The following LOC400499 variants were observed in gnomAD, a reference collection of about 807,000 sequenced individuals.
At chr16:11,421,624 G>A in the LOC400499 span, among the ~76,000 whole-genome samples, 12 of 152,110 alleles carry the variant, frequency 7.9e-5, no homozygotes, top group African/African-American at 2.2e-4. Flanking sequence ...GGCTGATCTC[G>A]AACTCCTGAC....
At chr16:11,489,873 A>T in the LOC400499 span, among the ~76,000 whole-genome samples, 1 of 152,242 alleles carries the variant, frequency 6.6e-6, no homozygotes, top group Admixed American at 6.5e-5. Context: ...ATCTTCTGGG[A>T]AATTATCCTA....
the LOC400499 span, among the ~76,000 whole-genome samples, chr16:11,435,119 A>G: frequency 6.6e-6 from 1 of 151,842 alleles, no homozygotes. Context: ...AGCTGGGACT[A>G]CAGGTGCATG....
the LOC400499 span, among the ~76,000 whole-genome samples, chr16:11,379,079 C>A: frequency 2.6e-5 from 4 of 152,176 alleles, no homozygotes; most frequent in Admixed American, 1.3e-4. Context: ...GCCTGGACAA[C>A]ATGGTGAAAC....
the LOC400499 span, among the ~76,000 whole-genome samples, chr16:11,484,393 G>C: frequency 6.6e-6 from 1 of 152,186 alleles, no homozygotes; most frequent in Non-Finnish European, 1.5e-5. Flanking sequence ...GATCTCATGA[G>C]TGTGTACATG....
the LOC400499 span, among the ~76,000 whole-genome samples, chr16:11,461,900 G>A: frequency 6.6e-6 from 1 of 152,220 alleles, no homozygotes; most frequent in African/African-American, 2.4e-5. Flanking sequence ...TCGTGGGTCA[G>A]AATAAAAACA....
At chr16:11,389,244 C>A in the LOC400499 span, among the ~76,000 whole-genome samples, 3 of 152,208 alleles carry the variant, frequency 2.0e-5, no homozygotes, top group Non-Finnish European at 4.4e-5. Context: ...AGGATCCACC[C>A]CCCCATCTCA....
chr16:11,499,677 G>A, the LOC400499 span, among the ~76,000 whole-genome samples: 1 of 152,138 alleles, frequency 6.6e-6, no homozygotes, highest in East Asian at 1.9e-4. Context: ...TCCTGGTAGG[G>A]TCCATTCTAC....
the LOC400499 span, among the ~76,000 whole-genome samples, chr16:11,374,177 C>T: frequency 6.6e-6 from 1 of 152,152 alleles, no homozygotes. Context: ...TCCTGTGGGT[C>T]TGTGTCTATT....
chr16:11,417,886 C>A, the LOC400499 span: 45 of 398,370 alleles, frequency 1.1e-4, no homozygotes, highest in Non-Finnish European at 1.4e-4. Flanking sequence ...GCAGAGAGAG[C>A]CAGCCTGGGT....
At chr16:11,510,188 C>T in the LOC400499 span, among the ~76,000 whole-genome samples, 3 of 150,492 alleles carry the variant, frequency 2.0e-5, no homozygotes, top group Non-Finnish European at 4.4e-5. Flanking sequence ...CCACAGTCCA[C>T]ACCTCCCTCA....
At chr16:11,416,967 C>G in the LOC400499 span, among the ~76,000 whole-genome samples, 1 of 152,100 alleles carries the variant, frequency 6.6e-6, no homozygotes, top group African/African-American at 2.4e-5. Flanking sequence ...ATCGGGACGG[C>G]TGTACTGTAT....
At chr16:11,385,022 G>A in the LOC400499 span, 31 of 1,232,138 alleles carry the variant, frequency 2.5e-5, no homozygotes, top group South Asian at 2.5e-4. Flanking sequence ...CTTGAGGTCC[G>A]GACAACTGTC....
chr16:11,483,666 T>C, the LOC400499 span, among the ~76,000 whole-genome samples: 1 of 148,964 alleles, frequency 6.7e-6, no homozygotes, highest in South Asian at 2.1e-4. Flanking sequence ...AGGAGGTTGA[T>C]ACCAGCCTGG....
At chr16:11,487,282 G>C in the LOC400499 span, 1 of 398,876 alleles carries the variant, frequency 2.5e-6, no homozygotes, top group Non-Finnish European at 4.4e-6. Context: ...TTGAAGGCAC[G>C]GCCCATGGTG....
the LOC400499 span, chr16:11,469,187 G>A: frequency 2.5e-6 from 1 of 399,590 alleles, no homozygotes. Context: ...TGATGTAGTA[G>A]ACGTCCCTGT....
chr16:11,490,608 G>A, the LOC400499 span, among the ~76,000 whole-genome samples: 7 of 152,122 alleles, frequency 4.6e-5, no homozygotes, highest in African/African-American at 9.7e-5. Flanking sequence ...GGCTGAGGAA[G>A]GAGAATGGCA....
the LOC400499 span, among the ~76,000 whole-genome samples, chr16:11,436,177 T>A: frequency 6.6e-6 from 1 of 152,132 alleles, no homozygotes; most frequent in African/African-American, 2.4e-5. Context: ...GGGTCACATA[T>A]GCCACCTGAG....
chr16:11,384,108 C>G, the LOC400499 span: 233 of 1,225,774 alleles, frequency 1.9e-4, no homozygotes, highest in Middle Eastern at 1.6e-3. Context: ...CCTGGGCCTA[C>G]GAAGTCCTCT....
the LOC400499 span, among the ~76,000 whole-genome samples, chr16:11,383,159 G>A: frequency 6.6e-6 from 1 of 151,776 alleles, no homozygotes; most frequent in South Asian, 2.1e-4. Flanking sequence ...TCTGCCTCCT[G>A]GGTTCACGCC....
Sources: allele counts gnomAD v4.1 joint callset (sites outside exome capture counted in the v4.1 genomes callset), GRCh38; gene constraint gnomAD v4.1.1; transcripts MANE v1.5.